The following LARP4B variants were observed in gnomAD, a reference collection of about 807,000 sequenced individuals.
LARP4B encodes la-related protein 4B.
In LARP4B, 12 loss-of-function variants were observed where a neutral mutation model predicts 89.8. The observed-to-expected ratio is 0.13, with a 90% CI of 0.09 to 0.22. LARP4B has a LOEUF of 0.22. Ranked by LOEUF, LARP4B falls within the 10% of genes least tolerant of loss-of-function variation. The pLI, the probability that LARP4B is intolerant of heterozygous loss-of-function variation, is 1.00. For synonymous variants in LARP4B, 367 were observed against 363.3 expected, an observed-to-expected ratio of 1.01 and a Z score of -0.12; for missense variants, 757 against 947.7, an observed-to-expected ratio of 0.80 and a Z score of 2.64.
At chr10:839,355 A>G (rs1833399706) in intron 7 of LARP4B, among the ~76,000 whole-genome samples, 1 of 152,234 alleles carries the variant, frequency 6.6e-6, no homozygotes, top group Non-Finnish European at 1.5e-5. Flanking sequence ...GCATGTGTAC[A>G]GGGGATATAA....
intron 1 of LARP4B, among the ~76,000 whole-genome samples, chr10:900,526 T>G (rs1399274259): frequency 3.7e-5 from 5 of 135,886 alleles, no homozygotes; most frequent in Non-Finnish European, 7.7e-5. Flanking sequence ...GCCTCGACCT[T>G]CTGGGTCCAA....
rs553851719 is a variant in LARP4B, at chr10:817,796, C to T, written c.1624G>A (p.Gly542Ser). ...SSFPPLPGAA[G>S]NLKTEDLFEN... ...AACAAGTCCTCTGTCTTCAAATTGC[C>T]GGCAGCTCCAGGTAATGGAGGGAAG... Residue 542 changes from glycine (G) to serine (S), a missense_variant, in exon 15 of 18, where the codon GGC becomes AGC. By Grantham distance (56) the Gly-to-Ser change is moderately conservative (BLOSUM62 0). This residue lies in a region of LARP4B where 387 missense variants were observed against 423.6 expected (regional missense o/e 0.91). Coordinates refer to ENST00000316157, the MANE Select transcript of LARP4B (RefSeq NM_015155.3). 1.7e-5 allele frequency: 28 copies of T among 1,614,168 alleles called. No homozygotes were observed. The highest frequency in any genetic ancestry group is 4.0e-5 in the African/African-American group (3 of 75,038).
chr10:918,391 T>C (rs1836884298), intron 1 of LARP4B, among the ~76,000 whole-genome samples: 1 of 152,060 alleles, frequency 6.6e-6, no homozygotes, highest in Non-Finnish European at 1.5e-5. Context: ...CCAGTGCTTT[T>C]GAAGGCCAAG....
chr10:925,367 T>C, intron 1 of LARP4B, among the ~76,000 whole-genome samples: 1 of 152,176 alleles, frequency 6.6e-6, no homozygotes, highest in South Asian at 2.1e-4. Flanking sequence ...CCAGGCCCTT[T>C]AGCAATACTT....
chr10:925,961 A>G (rs1837123568), intron 1 of LARP4B, among the ~76,000 whole-genome samples: 1 of 152,250 alleles, frequency 6.6e-6, no homozygotes, highest in South Asian at 2.1e-4. Context: ...ACTTGTAAAT[A>G]TAACTTTTAT....
At chr10:883,000 T>C (rs1307484361) in intron 3 of LARP4B, among the ~76,000 whole-genome samples, 1 of 152,202 alleles carries the variant, frequency 6.6e-6, no homozygotes, top group African/African-American at 2.4e-5. Flanking sequence ...AGGTGCACTA[T>C]GAACAATGCT....
chr10:839,324 G>A (rs1224121279), intron 7 of LARP4B, among the ~76,000 whole-genome samples: 1 of 152,222 alleles, frequency 6.6e-6, no homozygotes, highest in Non-Finnish European at 1.5e-5. Flanking sequence ...GCTGCGGAAT[G>A]TTCATATGGG....
chr10:932,219 CGACCCTGGCCACCCAGGACACGCCCT>C (rs1429214319), upstream of LARP4B, among the ~76,000 whole-genome samples: 1 of 146,266 alleles, frequency 6.8e-6, no homozygotes, highest in Non-Finnish European at 1.5e-5. Flanking sequence ...ACCCAGGCCC[CGACCCTGGCCACCCAGGACACGCCCT>C]GGCCCTTCCC....
intron 1 of LARP4B, among the ~76,000 whole-genome samples, chr10:914,807 G>GC (rs1186075561): frequency 8.4e-5 from 7 of 83,826 alleles, no homozygotes; most frequent in Admixed American, 1.4e-4. Flanking sequence ...CGCCCCACCC[G>GC]CCCCCACCGC....
chr10:882,807 T>C (rs989874591), intron 3 of LARP4B, among the ~76,000 whole-genome samples: 1 of 152,202 alleles, frequency 6.6e-6, no homozygotes, highest in Non-Finnish European at 1.5e-5. Context: ...GGTATCTCTA[T>C]TGCACGTCTC....
At chr10:959,409 A>AATCCACCTCCCCG in the LARP4B span, among the ~76,000 whole-genome samples, 13 of 46,294 alleles carry the variant, frequency 2.8e-4, 4 homozygotes, top group Admixed American at 4.8e-4. Context: ...CCACCTCCCC[A>AATCCACCTCCCCG]TCAATCCACC....
intron 1 of LARP4B, among the ~76,000 whole-genome samples, chr10:909,619 T>C (rs538219907): frequency 6.6e-6 from 1 of 151,498 alleles, no homozygotes; most frequent in East Asian, 2.0e-4. Flanking sequence ...ACCTCGTCTC[T>C]ACTAAAAGTA....
At chr10:856,645 T>G (rs539492125) in intron 5 of LARP4B, among the ~76,000 whole-genome samples, 1 of 152,288 alleles carries the variant, frequency 6.6e-6, no homozygotes, top group South Asian at 2.1e-4. Flanking sequence ...GGAGTCTCAG[T>G]CATTGGCGGG....
At chr10:895,911 G>T (rs1428712476) in intron 1 of LARP4B, among the ~76,000 whole-genome samples, 1 of 152,170 alleles carries the variant, frequency 6.6e-6, no homozygotes, top group Non-Finnish European at 1.5e-5. Flanking sequence ...CAGAGTCTCA[G>T]TTTTTTAAAT....
At chr10:935,495 G>A (rs1263281336), upstream of LARP4B, among the ~76,000 whole-genome samples, 1 of 152,064 alleles carries the variant, frequency 6.6e-6, no homozygotes, top group Non-Finnish European at 1.5e-5. Context: ...CCTATTATTA[G>A]CACTTGTTTG....
chr10:814,914 C>T lies in LARP4B; in HGVS notation c.1820+32G>A. 6.3e-7 allele frequency: 1 copy of T among 1,577,346 alleles called. No homozygotes were observed. Among genetic ancestry groups the T allele is most frequent in the Non-Finnish European group, 8.6e-7 (1 of 1,157,072 alleles). ...ATCACAGGCCATTCAAGTCAGTCAA[C>T]ACCAAGGCGCTGGAAGAACACCAAT... On this transcript the variant is annotated intron_variant, in intron 16 of 17. Transcript: ENST00000316157. The surrounding 1 kb of genome is among the most constrained non-coding windows in gnomAD (Gnocchi z 4.4).
rs760530812 is a variant in LARP4B, at chr10:815,028, C to A, written c.1738G>T (p.Val580Phe). Residue 580 changes from valine (V) to phenylalanine (F), a missense_variant, in exon 16 of 18, where the codon GTC becomes TTC. Physicochemically the swap from Val to Phe is conservative, Grantham distance 50. Around this residue, in one of 5 missense-constraint regions of LARP4B, gnomAD observed 387 missense variants for 423.6 expected, o/e 0.91. Transcript: ENST00000316157. ...DASVNTLPVV[V>F]SREPSVPASC... ...GCCGGCACCGAGGGCTCTCTGGAGA[C>A]CACTACAGGAAGGGTGTTCACGCTT... 3.7e-6 allele frequency: 6 copies of A among 1,607,346 alleles called. No homozygotes were observed. In the African/African-American group the frequency reaches 6.7e-5, roughly 18 times the overall value.
intron 3 of LARP4B, among the ~76,000 whole-genome samples, chr10:881,075 G>A (rs151020240): frequency 0.021 from 3,239 of 152,316 alleles, 64 homozygotes; most frequent in Admixed American, 0.061. Context: ...GCAAAAAGCC[G>A]CTGAGAATGA....
intron 1 of LARP4B, among the ~76,000 whole-genome samples, chr10:893,661 A>G (rs1836104276): frequency 6.6e-6 from 1 of 152,176 alleles, no homozygotes; most frequent in African/African-American, 2.4e-5. Context: ...CTAGTTAATT[A>G]CTTTGTAGAA....
Sources: allele counts gnomAD v4.1 joint callset (sites outside exome capture counted in the v4.1 genomes callset), GRCh38; gene constraint gnomAD v4.1.1; regional missense constraint gnomAD v4.1.1; non-coding constraint Gnocchi (gnomAD v3.1); transcripts MANE v1.5; gene names NCBI Gene and HGNC (gene_info 2026-07-23, HGNC 2026-07-21).